The following DNAH8 variants were observed in gnomAD, a reference collection of about 807,000 sequenced individuals.
DNAH8 encodes dynein axonemal heavy chain 8.
DNAH8 carries 382 observed loss-of-function variants against 562.1 expected under a neutral mutation model. The observed-to-expected ratio is 0.68, with a 90% CI of 0.63 to 0.74. The LOEUF is 0.74. Ranked by LOEUF, DNAH8 falls within the 30% of genes least tolerant of loss-of-function variation. DNAH8 has a pLI of 0.00. For synonymous variants in DNAH8, 1,881 were observed against 1,919.4 expected (o/e 0.98, Z 0.52); for missense variants, 5,203 against 5,620.4 (o/e 0.93, Z 2.37).
intron 26 of DNAH8, chr6:38,822,226 A>G (rs1252974812): frequency 6.6e-6 from 1 of 152,120 alleles, no homozygotes; most frequent in Admixed American, 6.5e-5. Flanking sequence ...CTAGTTTTCA[A>G]TTTGACACCC....
intron 21 of DNAH8, among the ~76,000 whole-genome samples, chr6:38,793,484 T>C (rs942329053): frequency 7.9e-5 from 12 of 152,242 alleles, no homozygotes; most frequent in African/African-American, 2.4e-4. Flanking sequence ...TTTTCAGATG[T>C]GTCTTTTTCC....
At chr6:38,860,395 A>G (rs565902771) in intron 42 of DNAH8, 62 bp from the exon 43 acceptor site, 1 of 979,790 alleles carries the variant, frequency 1.0e-6, no homozygotes, top group East Asian at 3.2e-5. Flanking sequence ...AACTGCCCAC[A>G]TGCTTATGTT....
At chr6:38,809,672 G>C (rs1490576572) in intron 24 of DNAH8, among the ~76,000 whole-genome samples, 1 of 152,070 alleles carries the variant, frequency 6.6e-6, no homozygotes, top group Non-Finnish European at 1.5e-5. Flanking sequence ...TCTGTGTAAA[G>C]GTCCTGCACA....
intron 18 of DNAH8, among the ~76,000 whole-genome samples, chr6:38,788,155 G>GT (rs56324450): frequency 0.61 from 90,477 of 147,640 alleles, 28,445 homozygotes; most frequent in East Asian, 0.82. Flanking sequence ...GACTTTTCCT[G>GT]TTTTTTTTTT....
chr6:38,795,379 A>G (rs895091365), intron 21 of DNAH8, among the ~76,000 whole-genome samples: 1 of 152,164 alleles, frequency 6.6e-6, no homozygotes, highest in Non-Finnish European at 1.5e-5. Flanking sequence ...GGAGATCGAG[A>G]CCATCCTGGC....
chr6:39,002,065 A>T (rs1765525510), intron 88 of DNAH8, among the ~76,000 whole-genome samples: 1 of 152,184 alleles, frequency 6.6e-6, no homozygotes, highest in African/African-American at 2.4e-5. Context: ...GCAGTCCAGG[A>T]GAGGGATAAG....
At chr6:38,982,714 A>G (rs1413584870) in intron 86 of DNAH8, among the ~76,000 whole-genome samples, 1 of 152,210 alleles carries the variant, frequency 6.6e-6, no homozygotes, top group Non-Finnish European at 1.5e-5. Context: ...CTCAGGGACC[A>G]CAGTGCACTT....
chr6:38,921,163 T>C (rs979009283), intron 70 of DNAH8, among the ~76,000 whole-genome samples: 2 of 152,182 alleles, frequency 1.3e-5, no homozygotes, highest in Non-Finnish European at 2.9e-5. Flanking sequence ...ATTACAGGCA[T>C]GAGCCACCAC....
chr6:38,816,478 A>G (rs1772285225), intron 26 of DNAH8, among the ~76,000 whole-genome samples: 1 of 152,126 alleles, frequency 6.6e-6, no homozygotes, highest in Non-Finnish European at 1.5e-5. Flanking sequence ...TTCTTTATGC[A>G]GTTTACCATT....
At chr6:38,842,958 C>G (rs1774949395) in intron 35 of DNAH8, 55 bp downstream of exon 35, 1 of 1,578,170 alleles carries the variant, frequency 6.3e-7, no homozygotes, top group Non-Finnish European at 8.6e-7. Context: ...TCTGCTTTTT[C>G]TTTTCTGGGA....
chr6:38,752,858 T>G (rs1044343562), intron 9 of DNAH8, among the ~76,000 whole-genome samples: 2 of 152,232 alleles, frequency 1.3e-5, no homozygotes, highest in Non-Finnish European at 2.9e-5. Flanking sequence ...CAGAGTCTTT[T>G]AATTGAGTCC....
intron 67 of DNAH8, 44 bp downstream of exon 67, chr6:38,913,996 A>G (rs751938306): frequency 2.1e-6 from 3 of 1,431,682 alleles, no homozygotes; most frequent in Non-Finnish European, 2.9e-6. Context: ...ATATTTTTCC[A>G]TATTAAAATG....
rs112815665 is a variant in DNAH8, at chr6:38,749,577, A to G, written c.1294-899A>G. ...AGACAATGTCTAATTAAATGACTAA[A>G]GGCACACAGATTGCTCATCTTTGAA... On this transcript the variant is annotated intron_variant, in intron 8 of 92. Transcript: ENST00000327475. Among the ~76,000 whole-genome samples the G allele has an allele frequency of 8.5e-3, 1,296 of 152,244 alleles. 18 individuals carry two copies. Among genetic ancestry groups the G allele is most frequent in the African/African-American group, 0.029 (1,212 of 41,548 alleles).
chr6:38,780,611 G>A (rs945424070), intron 15 of DNAH8, among the ~76,000 whole-genome samples: 5 of 152,114 alleles, frequency 3.3e-5, no homozygotes, highest in African/African-American at 7.2e-5. Context: ...AATACCACAT[G>A]TTCTCACTTA....
At chr6:38,787,892 C>T (rs886752080) in intron 18 of DNAH8, among the ~76,000 whole-genome samples, 1 of 152,042 alleles carries the variant, frequency 6.6e-6, no homozygotes. Flanking sequence ...CTTTGCTTTT[C>T]TTGGCAGGCT....
At chr6:38,867,111 C>T (rs1196744057) in intron 47 of DNAH8, among the ~76,000 whole-genome samples, 1 of 152,170 alleles carries the variant, frequency 6.6e-6, no homozygotes, top group African/African-American at 2.4e-5. Context: ...ACCCTTCACC[C>T]TGCCTTGCCT....
intron 82 of DNAH8, among the ~76,000 whole-genome samples, chr6:38,964,740 C>T (rs186348124): frequency 3.3e-5 from 5 of 152,176 alleles, no homozygotes; most frequent in African/African-American, 7.2e-5. Context: ...AAAATATTCA[C>T]AACATACTGT....
chr6:38,937,313 C>T (rs1307692840), intron 77 of DNAH8, among the ~76,000 whole-genome samples: 1 of 151,504 alleles, frequency 6.6e-6, no homozygotes, highest in Non-Finnish European at 1.5e-5. Flanking sequence ...ATGTAACAAA[C>T]CTGCACGTTC....
intron 48 of DNAH8, among the ~76,000 whole-genome samples, chr6:38,868,537 T>G (rs1282055135): frequency 2.6e-5 from 4 of 152,234 alleles, no homozygotes; most frequent in African/African-American, 7.2e-5. Flanking sequence ...TGAGAACTTT[T>G]TGCTTTCTCT....
Sources: allele counts gnomAD v4.1 joint callset (sites outside exome capture counted in the v4.1 genomes callset), GRCh38; gene constraint gnomAD v4.1.1; transcripts MANE v1.5; gene names NCBI Gene and HGNC (gene_info 2026-07-23, HGNC 2026-07-21).